The following SCFD2 variants were observed in gnomAD, a reference collection of about 807,000 sequenced individuals.
The protein encoded by SCFD2 is sec1 family domain-containing protein 2.
In SCFD2, 54 loss-of-function variants were observed where a neutral mutation model predicts 58.9. The ratio of observed to expected loss-of-function variants is 0.92; its 90% CI spans 0.74 to 1.15. The LOEUF (loss-of-function observed/expected upper bound fraction) is 1.15. Ranked by LOEUF, SCFD2 falls within the 50% of genes most tolerant of loss-of-function variation. The pLI, the probability that SCFD2 is intolerant of heterozygous loss-of-function variation, is 0.00. For synonymous variants in SCFD2, 321 were observed against 335.9 expected, an observed-to-expected ratio of 0.96 and a Z score of 0.49; for missense variants, 805 against 836.6, an observed-to-expected ratio of 0.96 and a Z score of 0.47.
At chr4:52,925,431 G>A (rs1237545079) in intron 5 of SCFD2, among the ~76,000 whole-genome samples, 1 of 151,764 alleles carries the variant, frequency 6.6e-6, no homozygotes, top group Non-Finnish European at 1.5e-5. Flanking sequence ...AATGGAGGGA[G>A]TTGCAAGTAG....
chr4:52,947,648 T>A (rs1450399351), intron 5 of SCFD2, among the ~76,000 whole-genome samples: 1 of 151,994 alleles, frequency 6.6e-6, no homozygotes, highest in Non-Finnish European at 1.5e-5. Context: ...CTTGATATAC[T>A]ACCAAGATGG....
intron 4 of SCFD2, among the ~76,000 whole-genome samples, chr4:53,195,505 C>T (rs1728033106): frequency 1.3e-5 from 2 of 152,156 alleles, no homozygotes; most frequent in Non-Finnish European, 2.9e-5. Context: ...ATTAACCCCA[C>T]ATTCCTACGG....
chr4:53,037,374 T>C (rs761910307), intron 5 of SCFD2, among the ~76,000 whole-genome samples: 5 of 152,156 alleles, frequency 3.3e-5, no homozygotes, highest in Non-Finnish European at 5.9e-5. Context: ...TAAGAGACTT[T>C]CATTTTCTGT....
At chr4:53,037,406 T>A (rs2148822299) in intron 5 of SCFD2, among the ~76,000 whole-genome samples, 1 of 152,240 alleles carries the variant, frequency 6.6e-6, no homozygotes, top group African/African-American at 2.4e-5. Flanking sequence ...TAAAATAATG[T>A]ATGGAGTTTT....
At chr4:53,315,607 G>T (rs144687539) in intron 2 of SCFD2, among the ~76,000 whole-genome samples, 1 of 152,184 alleles carries the variant, frequency 6.6e-6, no homozygotes, top group Non-Finnish European at 1.5e-5. Context: ...CTTTCAGAAA[G>T]TTACTTAATT....
At chr4:53,083,936 C>T (rs1724224571) in intron 5 of SCFD2, among the ~76,000 whole-genome samples, 1 of 152,056 alleles carries the variant, frequency 6.6e-6, no homozygotes, top group African/African-American at 2.4e-5. Context: ...AAAGCAGAAC[C>T]ACTGATAAGG....
At chr4:53,297,470 T>G (rs558826506) in intron 3 of SCFD2, among the ~76,000 whole-genome samples, 53 of 152,206 alleles carry the variant, frequency 3.5e-4, no homozygotes, top group East Asian at 9.7e-4. Flanking sequence ...TTGGTTTTTT[T>G]TTTGTTTGTT....
At chr4:52,970,647 T>A (rs982539037) in intron 5 of SCFD2, among the ~76,000 whole-genome samples, 1 of 152,194 alleles carries the variant, frequency 6.6e-6, no homozygotes, top group African/African-American at 2.4e-5. Context: ...AATGTCCCTG[T>A]CTGACAGCTT....
chr4:53,170,775 AT>A (rs934139197), intron 4 of SCFD2, among the ~76,000 whole-genome samples: 2 of 151,996 alleles, frequency 1.3e-5, no homozygotes, highest in East Asian at 1.9e-4. Flanking sequence ...ATTCCTAGGT[AT>A]TTTTTTATAG....
At chr4:53,281,233 CT>C (rs924938425) in intron 3 of SCFD2, among the ~76,000 whole-genome samples, 5 of 152,216 alleles carry the variant, frequency 3.3e-5, no homozygotes, top group Non-Finnish European at 7.4e-5. Context: ...TTTAGCATGC[CT>C]TTTTAACTGT....
chr4:53,087,952 C>A (rs1223659956), intron 5 of SCFD2, among the ~76,000 whole-genome samples: 1 of 152,102 alleles, frequency 6.6e-6, no homozygotes. Flanking sequence ...AGCCACCATG[C>A]CCGGCCCCAA....
chr4:53,312,646 A>T (rs1732725781), intron 3 of SCFD2, among the ~76,000 whole-genome samples: 1 of 152,122 alleles, frequency 6.6e-6, no homozygotes. Flanking sequence ...TTCTTCCTAG[A>T]TTCATCCATA....
At chr4:52,883,269 A>C (rs978423935) in intron 8 of SCFD2, among the ~76,000 whole-genome samples, 1 of 152,226 alleles carries the variant, frequency 6.6e-6, no homozygotes, top group African/African-American at 2.4e-5. Flanking sequence ...TCAAGGTCTA[A>C]GAAAGGGAGA....
intron 7 of SCFD2, among the ~76,000 whole-genome samples, chr4:52,892,940 A>G (rs1181271665): frequency 6.6e-6 from 1 of 152,242 alleles, no homozygotes; most frequent in Non-Finnish European, 1.5e-5. Context: ...ACCAAAATCT[A>G]TCTCACTTGA....
intron 4 of SCFD2, among the ~76,000 whole-genome samples, chr4:53,249,451 T>G (rs1274831794): frequency 2.0e-5 from 3 of 151,960 alleles, no homozygotes; most frequent in African/African-American, 2.4e-5. Context: ...AGAAAATACA[T>G]AGAACACCAC....
chr4:52,978,212 G>C (rs968976181), intron 5 of SCFD2, among the ~76,000 whole-genome samples: 1 of 152,166 alleles, frequency 6.6e-6, no homozygotes, highest in Admixed American at 6.5e-5. Context: ...TCTGGAGCTT[G>C]GAGGACAGCA....
chr4:52,934,790 G>T (rs1233176442), intron 5 of SCFD2, among the ~76,000 whole-genome samples: 1 of 152,138 alleles, frequency 6.6e-6, no homozygotes, highest in Non-Finnish European at 1.5e-5. Flanking sequence ...TGAAAAACTG[G>T]AATTAAATAT....
chr4:53,012,833 TGTG>T lies in SCFD2; in HGVS notation c.1562-91966_1562-91964del, dbSNP rs1367789374. ...TCCTTTCTGTGTGTGTGTGTGTGTG[TGTG>T]TTTTTTTTTAAGAGAGAGAAAGCTA... On this transcript the variant is annotated intron_variant, in intron 5 of 8. Transcript: ENST00000401642. 6.2e-4 allele frequency among the ~76,000 whole-genome samples: 69 copies of T among 110,944 alleles called. 1 individual carries two copies. The highest frequency in any genetic ancestry group is 3.2e-4 in the African/African-American group (9 of 27,762). The allele number at this position is 110,944 out of a possible 152,430, so 72.8% of individuals were successfully genotyped here.
chr4:53,067,449 C>T (rs755050481), intron 5 of SCFD2, among the ~76,000 whole-genome samples: 4 of 151,898 alleles, frequency 2.6e-5, no homozygotes, highest in Non-Finnish European at 4.4e-5. Context: ...TAATATGGTT[C>T]GGCTCTGTGT....
Sources: allele counts gnomAD v4.1 joint callset (sites outside exome capture counted in the v4.1 genomes callset), GRCh38; gene constraint gnomAD v4.1.1; transcripts MANE v1.5; gene names NCBI Gene and HGNC (gene_info 2026-07-23, HGNC 2026-07-21).